The following CAMTA1 variants were observed in gnomAD, a reference collection of about 807,000 sequenced individuals.
The protein encoded by CAMTA1 is calmodulin-binding transcription activator 1.
In CAMTA1, 27 loss-of-function variants were observed where a neutral mutation model predicts 170.9. The observed-to-expected ratio is 0.16, with a 90% CI of 0.12 to 0.22. The LOEUF is 0.22. Among genes scored for constraint, CAMTA1 ranks in the 10% least tolerant of loss-of-function variants. CAMTA1 has a pLI of 1.00. For synonymous variants in CAMTA1, 833 were observed against 891.5 expected (o/e 0.93, Z 1.17); for missense variants, 1,619 against 2,217.2 (o/e 0.73, Z 5.42).
At chr1:7,638,923 T>G (rs538840997) in intron 6 of CAMTA1, among the ~76,000 whole-genome samples, 1 of 152,282 alleles carries the variant, frequency 6.6e-6, no homozygotes, top group South Asian at 2.1e-4. Flanking sequence ...GAGGACATTC[T>G]TAATAAGATG....
At chr1:7,757,431 TTTA>T (rs1335811145) in intron 22 of CAMTA1, among the ~76,000 whole-genome samples, 1 of 152,208 alleles carries the variant, frequency 6.6e-6, no homozygotes, top group Non-Finnish European at 1.5e-5. Flanking sequence ...GAATTTAGTT[TTTA>T]TAAGTTCTTC....
chr1:7,515,648 C>T (rs1029803386), intron 6 of CAMTA1, among the ~76,000 whole-genome samples: 12 of 152,102 alleles, frequency 7.9e-5, no homozygotes, highest in African/African-American at 2.7e-4. Context: ...CATCTCGGAG[C>T]GAGAGGCACC....
At chr1:7,202,304 T>A (rs1656858281) in intron 4 of CAMTA1, among the ~76,000 whole-genome samples, 2 of 152,204 alleles carry the variant, frequency 1.3e-5, no homozygotes, top group Admixed American at 1.3e-4. Flanking sequence ...GTAGTAAATT[T>A]TGAATTCAGA....
At chr1:7,197,926 C>T (rs1039238144) in intron 4 of CAMTA1, among the ~76,000 whole-genome samples, 2 of 151,858 alleles carry the variant, frequency 1.3e-5, no homozygotes, top group Non-Finnish European at 1.5e-5. Context: ...AGTGGGGAGA[C>T]AGCTCATTGT....
intron 11 of CAMTA1, among the ~76,000 whole-genome samples, chr1:7,702,496 T>C (rs565772877): frequency 4.4e-4 from 67 of 152,204 alleles, no homozygotes; most frequent in South Asian, 1.5e-3. Flanking sequence ...AGGCGCTGTC[T>C]CTCCTGTCAG....
chr1:7,498,203 T>A (rs2093866240), intron 6 of CAMTA1, among the ~76,000 whole-genome samples: 1 of 151,810 alleles, frequency 6.6e-6, no homozygotes, highest in South Asian at 2.1e-4. Flanking sequence ...TGTGTGTGTG[T>A]GTGACAGTGT....
intron 1 of CAMTA1, among the ~76,000 whole-genome samples, chr1:6,792,574 T>C (rs1228220091): frequency 6.6e-6 from 1 of 152,038 alleles, no homozygotes; most frequent in Non-Finnish European, 1.5e-5. Flanking sequence ...CCCCTTTTGC[T>C]CTTTTTCTGG....
rs77065387 is a variant in CAMTA1, at chr1:7,595,566, G to A, written c.511-44834G>A. Among the ~76,000 whole-genome samples the A allele has an allele frequency of 5.1e-3, 773 of 152,306 alleles. 5 individuals are homozygous for A. Among genetic ancestry groups the A allele is most frequent in the African/African-American group, 0.018 (743 of 41,568 alleles). ...ACGGAGCCCGGACACCGCCGGGGATGCCCTGCACAGGCCAGGCACAGCTCC... is the reference window on the plus strand; with the variant it reads ...ACGGAGCCCGGACACCGCCGGGGATACCCTGCACAGGCCAGGCACAGCTCC... On this transcript the variant is annotated intron_variant, in intron 6 of 22. Transcript: ENST00000303635.
intron 5 of CAMTA1, among the ~76,000 whole-genome samples, chr1:7,301,742 C>A (rs1165875368): frequency 6.6e-6 from 1 of 152,210 alleles, no homozygotes; most frequent in African/African-American, 2.4e-5. Flanking sequence ...GGGATGCCTG[C>A]TGCAGAGATG....
At chr1:7,246,912 C>T (rs1665903504) in intron 4 of CAMTA1, among the ~76,000 whole-genome samples, 1 of 152,230 alleles carries the variant, frequency 6.6e-6, no homozygotes, top group East Asian at 1.9e-4. Flanking sequence ...AAGTGATCCA[C>T]CTGCCTCGGC....
At chr1:7,184,078 A>G (rs1443573258) in intron 4 of CAMTA1, among the ~76,000 whole-genome samples, 1 of 152,228 alleles carries the variant, frequency 6.6e-6, no homozygotes, top group South Asian at 2.1e-4. Context: ...GTCATTTGCA[A>G]CAACATGGAT....
chr1:7,055,632 T>A (rs1288556431), intron 3 of CAMTA1, among the ~76,000 whole-genome samples: 1 of 152,192 alleles, frequency 6.6e-6, no homozygotes, highest in Non-Finnish European at 1.5e-5. Flanking sequence ...AGACCTGGCC[T>A]CGAGGTGGGT....
At chr1:7,658,909 G>A (rs61772078) in intron 7 of CAMTA1, among the ~76,000 whole-genome samples, 10,186 of 152,296 alleles carry the variant, frequency 0.067, 446 homozygotes, top group Middle Eastern at 0.1. Flanking sequence ...CTGAAGAAAA[G>A]TGGGCTGTCA....
At chr1:7,212,228 C>T (rs1176900751) in intron 4 of CAMTA1, among the ~76,000 whole-genome samples, 3 of 152,082 alleles carry the variant, frequency 2.0e-5, no homozygotes, top group Non-Finnish European at 2.9e-5. Context: ...TAATTAGGCT[C>T]TTTTGTTTTT....
At chr1:7,752,678 G>T (rs2096905803) in intron 21 of CAMTA1, 145 bp downstream of exon 21, 1 of 616,274 alleles carries the variant, frequency 1.6e-6, no homozygotes, top group Non-Finnish European at 2.7e-6. Flanking sequence ...GGGCGGTAGA[G>T]CTCTTTAACT....
chr1:7,221,118 C>T (rs964298984), intron 4 of CAMTA1, among the ~76,000 whole-genome samples: 10 of 152,164 alleles, frequency 6.6e-5, no homozygotes, highest in Admixed American at 2.6e-4. Flanking sequence ...TCCCCTGGAA[C>T]GCTGGAGGCA....
chr1:7,163,805 C>G (rs1647772523), intron 4 of CAMTA1, among the ~76,000 whole-genome samples: 1 of 152,146 alleles, frequency 6.6e-6, no homozygotes, highest in East Asian at 1.9e-4. Flanking sequence ...GGGGAGCAGG[C>G]CAGGGAGGGA....
intron 11 of CAMTA1, among the ~76,000 whole-genome samples, chr1:7,686,520 G>A (rs546017564): frequency 1.1e-4 from 17 of 152,162 alleles, no homozygotes; most frequent in African/African-American, 3.6e-4. Flanking sequence ...AGGGGGTTGC[G>A]GGGATGGGAG....
intron 4 of CAMTA1, among the ~76,000 whole-genome samples, chr1:7,239,286 C>G (rs1402416294): frequency 6.6e-6 from 1 of 152,204 alleles, no homozygotes; most frequent in Non-Finnish European, 1.5e-5. Flanking sequence ...AGTCACTGTT[C>G]AACATTTCGG....
Sources: allele counts gnomAD v4.1 joint callset (sites outside exome capture counted in the v4.1 genomes callset), GRCh38; gene constraint gnomAD v4.1.1; transcripts MANE v1.5; gene names NCBI Gene and HGNC (gene_info 2026-07-23, HGNC 2026-07-21).